Variants in KIF5A observed in about 807,000 individuals in gnomAD.
KIF5A encodes kinesin family member 5A, also known as kinesin heavy chain isoform 5A.
Under a neutral mutation model 141.3 loss-of-function variants are expected in KIF5A, and 35 were observed. The ratio of observed to expected loss-of-function variants is 0.25; its 90% CI spans 0.19 to 0.33. The LOEUF is 0.33. Among genes scored for constraint, KIF5A ranks in the 10% least tolerant of loss-of-function variants. The probability of loss-of-function intolerance (pLI) is 1.00; values close to 1 mark genes in which losing one functional copy is unlikely to be tolerated. For missense variants in KIF5A, 861 were observed against 1,314.3 expected (o/e 0.66, Z 5.33); for synonymous variants, 448 against 500.2 (o/e 0.90, Z 1.39).
rs201005627 is a variant in KIF5A, at chr12:57,567,101, G to A, written c.502-25G>A. 1.7e-5 allele frequency: 24 copies of A among 1,445,840 alleles called. No individual in the cohort carries two copies. The East Asian group carries it at 5.3e-4, about 32-fold the overall frequency. The allele number at this position is 1,445,840 out of a possible 1,614,324, so 89.6% of individuals were successfully genotyped here. A position where few individuals can be genotyped will look rare whatever the true frequency, so the allele number is the denominator to read the frequency against. On this transcript the variant is annotated intron_variant, in intron 6 of 28. Transcript: ENST00000455537. The stretch of plus-strand genomic sequence containing the variant: ...CAAACTTAAAAAACAAAGCTTATGG[G>A]TCACTGTCCATTTGTCCCCCACAGG...
intron 27 of KIF5A, chr12:57,582,831 A>G: frequency 1.6e-6 from 1 of 641,336 alleles, no homozygotes; most frequent in Non-Finnish European, 2.8e-6. Context: ...CTCCAATCCC[A>G]TCTGTGGCTT....
In KIF5A at chr12:57,550,096, G is replaced by A. The variant is rs533726744; in HGVS notation, c.-176G>A. On this transcript the variant is annotated 5_prime_UTR_variant, in exon 1 of 29. Coordinates refer to ENST00000455537, the MANE Select transcript of KIF5A (RefSeq NM_004984.4). The surrounding 1 kb of genome is among the most constrained non-coding windows in gnomAD (Gnocchi z 4.6). ...GGTCGCCCGCATCCCGCTGCCGCAG[G>A]AGAGAGACAGCGCGCCCCGGCCCTG... 6 of 783,982 alleles carry A rather than the reference G, an allele frequency of 7.7e-6. No individual in the cohort carries two copies. In the Admixed American group the frequency reaches 9.0e-5, roughly 12 times the overall value. The allele number at this position is 783,982 out of a possible 1,614,324, so 48.6% of individuals were successfully genotyped here. A position where few individuals can be genotyped will look rare whatever the true frequency, so the allele number is the denominator to read the frequency against.
At chr12:57,561,828 G>A (rs1881916887) in intron 1 of KIF5A, among the ~76,000 whole-genome samples, 1 of 152,130 alleles carries the variant, frequency 6.6e-6, no homozygotes, top group Admixed American at 6.6e-5. Context: ...AAAAAATTCT[G>A]TAGATATTCA....
At chr12:57,556,776 A>G (rs1004975855) in intron 1 of KIF5A, among the ~76,000 whole-genome samples, 1 of 152,006 alleles carries the variant, frequency 6.6e-6, no homozygotes, top group Non-Finnish European at 1.5e-5. Flanking sequence ...TGAAGCATGG[A>G]TAGAGATTGT....
At chr12:57,570,437 C>T (rs1415370045) in intron 12 of KIF5A, among the ~76,000 whole-genome samples, 12 of 151,948 alleles carry the variant, frequency 7.9e-5, no homozygotes, top group Non-Finnish European at 1.3e-4. Context: ...CTTGCTGTGT[C>T]GCCCAGGCTA....
At chr12:57,582,949 C>T in intron 27 of KIF5A, 152 bp from the exon 28 acceptor site, 1 of 719,182 alleles carries the variant, frequency 1.4e-6, no homozygotes, top group South Asian at 1.5e-5. Flanking sequence ...TCATTTACAT[C>T]CCTCTGGCCT....
chr12:57,561,870 C>T (rs1881917849), intron 1 of KIF5A, among the ~76,000 whole-genome samples: 1 of 152,208 alleles, frequency 6.6e-6, no homozygotes, highest in East Asian at 1.9e-4. Flanking sequence ...AGAGCCACAT[C>T]TCCAGCTCTA....
chr12:57,578,051 G>A lies in KIF5A; in HGVS notation c.2404G>A (p.Val802Ile), dbSNP rs1882480022. The change falls in exon 22 of 29, where the codon GTT becomes ATT. Residue 802 changes from valine (V) to isoleucine (I), a missense_variant. Physicochemically the swap from Val to Ile is conservative, Grantham distance 29 (BLOSUM62 3). Around this residue, in one of 5 missense-constraint regions of KIF5A, gnomAD observed 482 missense variants for 661.3 expected, o/e 0.73. Transcript: ENST00000455537. ...CCTCCACAACCTTCGCAAGCTGTTC[G>A]TTCAAGACGTCACGACTCGAGTCAA... ...QTLHNLRKLF[V>I]QDVTTRVKKS... 3 of 1,614,144 alleles carry A rather than the reference G, an allele frequency of 1.9e-6. No individual in the cohort carries two copies. Among genetic ancestry groups the A allele is most frequent in the South Asian group, 1.1e-5 (1 of 91,082 alleles).
chr12:57,569,909 C>T, intron 11 of KIF5A, 78 bp from the exon 12 acceptor site: 1 of 1,519,194 alleles, frequency 6.6e-7, no homozygotes, highest in Non-Finnish European at 8.9e-7. Flanking sequence ...GTTCAAGGGG[C>T]ATGGTGAGTG....
intron 17 of KIF5A, 100 bp from the exon 18 acceptor site, chr12:57,575,987 T>A (rs1442284594): frequency 8.8e-7 from 1 of 1,142,266 alleles, no homozygotes; most frequent in African/African-American, 1.5e-5. Flanking sequence ...AACATCCCTG[T>A]GGGTCCATTC....
chr12:57,569,590 T>C lies in KIF5A; in HGVS notation c.1024T>C (p.Trp342Arg). 1 of 1,613,866 alleles carries C rather than the reference T, an allele frequency of 6.2e-7. No homozygotes were observed. The highest frequency in any genetic ancestry group is 8.5e-7 in the Non-Finnish European group (1 of 1,179,974). ...AAATTTGGAGTTGACTGCTGAGCAG[T>C]GGAAGAAGAAATATGAGAAGGAGAA... Reference protein sequence around the residue: ...SVNLELTAEQWKKKYEKEKEK... With the variant: ...SVNLELTAEQRKKKYEKEKEK... The change falls in exon 11 of 29, where the codon TGG (tryptophan) becomes CGG (arginine). Residue 342 changes from tryptophan to arginine, a missense_variant. Coordinates refer to ENST00000455537, the MANE Select transcript of KIF5A (RefSeq NM_004984.4).
At chr12:57,579,010 G>C (rs1016533727) in intron 23 of KIF5A, among the ~76,000 whole-genome samples, 45 of 152,076 alleles carry the variant, frequency 3.0e-4, no homozygotes, top group Admixed American at 2.9e-3. Context: ...GCTGCAGTGA[G>C]CTGTGATCAT....
chr12:57,554,141 A>G (rs202048030), intron 1 of KIF5A, among the ~76,000 whole-genome samples: 1 of 152,160 alleles, frequency 6.6e-6, no homozygotes, highest in African/African-American at 2.4e-5. Flanking sequence ...GCTCTGACAC[A>G]GTGTTGGCAT....
chr12:57,567,162 A>T lies in KIF5A; in HGVS notation c.538A>T (p.Ile180Phe). 6.2e-7 allele frequency: 1 copy of T among 1,613,258 alleles called. No individual in the cohort carries two copies. The highest frequency in any genetic ancestry group is 1.3e-5 in the African/African-American group (1 of 74,982). ...ACGCTTTGTGTCCAGCCCGGAGGAG[A>T]TTCTGGATGTGATTGATGAAGGGAA... ...TERFVSSPEE[I>F]LDVIDEGKSN... The change falls in exon 7 of 29, where the codon ATT (isoleucine) becomes TTT (phenylalanine). Residue 180 changes from isoleucine to phenylalanine, a missense_variant. Ile to Phe is a conservative substitution (Grantham distance 21). Transcript: ENST00000455537.
At chr12:57,568,102 C>T (rs1166348049) in intron 8 of KIF5A, among the ~76,000 whole-genome samples, 4 of 151,994 alleles carry the variant, frequency 2.6e-5, no homozygotes, top group Admixed American at 6.6e-5. Flanking sequence ...AGGCTGGTCT[C>T]GAACTCCTGA....
At position 57,572,779 on chromosome 12, in the gene KIF5A, C is replaced by G. The variant is rs1882296749; in HGVS notation, c.1716+53C>G. 8 of 1,604,734 alleles carry G rather than the reference C, an allele frequency of 5.0e-6. No individual in the cohort carries two copies. Among genetic ancestry groups the G allele is most frequent in the Non-Finnish European group, 5.1e-6 (6 of 1,171,562 alleles). On this transcript the variant is annotated intron_variant, in intron 15 of 28. Coordinates refer to ENST00000455537, the MANE Select transcript of KIF5A (RefSeq NM_004984.4). The surrounding 1 kb of genome is among the most constrained non-coding windows in gnomAD (Gnocchi z 4.2). Reference sequence around the variant, plus strand: ...TCAGGCTGGGCACTAGTGGAAGACGCAAGATGAGCCATCCAGGCCTTCACA... The same window carrying G: ...TCAGGCTGGGCACTAGTGGAAGACGGAAGATGAGCCATCCAGGCCTTCACA...
rs77602050 is a variant in KIF5A at position 57,559,555 on chromosome 12, C to T, written c.130-3884C>T. On this transcript the variant is annotated intron_variant, in intron 1 of 28. Coordinates refer to ENST00000455537, the MANE Select transcript of KIF5A (RefSeq NM_004984.4). Reference sequence around the variant, plus strand: ...TAATTTATGATAGTGATATAATTTACATACAGTGTACAGATCTTAGGCAAA... The same window carrying T: ...TAATTTATGATAGTGATATAATTTATATACAGTGTACAGATCTTAGGCAAA... 8.2e-3 allele frequency among the ~76,000 whole-genome samples: 1,254 copies of T among 152,260 alleles called. 24 individuals carry two copies. The highest frequency in any genetic ancestry group is 0.07 in the East Asian group (362 of 5,190).
intron 12 of KIF5A, among the ~76,000 whole-genome samples, chr12:57,570,776 T>C (rs1374997785): frequency 6.6e-6 from 1 of 152,152 alleles, no homozygotes; most frequent in African/African-American, 2.4e-5. Flanking sequence ...AAAAGTATTT[T>C]TATTTTCATT....
Position 57,572,033 on chromosome 12 carries a change from T to C in KIF5A, c.1363-28T>C. On this transcript the variant is annotated intron_variant, in intron 13 of 28. Coordinates refer to ENST00000455537, the MANE Select transcript of KIF5A (RefSeq NM_004984.4). This position sits in a 1 kb window ranked among gnomAD's most constrained non-coding sequence, Gnocchi z 4.2. ...AGAAATGGTCACTGGCAGTGATCTT[T>C]CCCACATGCCACTCCTCTCCCTTGA... is the stretch of plus-strand genomic sequence containing the variant. 1 of 1,596,362 alleles carries C rather than the reference T, an allele frequency of 6.3e-7. No homozygotes were observed. The highest frequency in any genetic ancestry group is 1.1e-5 in the South Asian group (1 of 90,114).
Sources: gnomAD v4.1 joint callset for allele counts (sites outside exome capture counted in the v4.1 genomes callset) on GRCh38, gnomAD v4.1.1 for gene constraint, gnomAD v4.1.1 regional missense constraint, Gnocchi (gnomAD v3.1) non-coding constraint, MANE v1.5 for transcripts, NCBI Gene and HGNC (gene_info 2026-07-23, HGNC 2026-07-21) for gene names.